Variants in ROBO1 observed in about 807,000 individuals in gnomAD.
The protein encoded by ROBO1 is roundabout guidance receptor 1, also known as roundabout homolog 1.
ROBO1 carries 149 observed loss-of-function variants against 195.9 expected under a neutral mutation model. The ratio of observed to expected loss-of-function variants is 0.76; its 90% CI spans 0.67 to 0.87. ROBO1 has a LOEUF of 0.87. Ranked by LOEUF, ROBO1 falls within the 40% of genes least tolerant of loss-of-function variation. ROBO1 has a pLI of 0.00. For missense variants in ROBO1, 1,933 were observed against 2,068.3 expected (o/e 0.93, Z 1.27); for synonymous variants, 816 against 733.2 (o/e 1.11, Z -1.82).
chr3:79,366,081 C>T (rs149438449), intron 2 of ROBO1, among the ~76,000 whole-genome samples: 1 of 151,952 alleles, frequency 6.6e-6, no homozygotes, highest in Admixed American at 6.6e-5. Context: ...TCAGGCAGAC[C>T]TGGAGTTCTT....
At chr3:78,821,413 C>T (rs2030926998) in intron 4 of ROBO1, among the ~76,000 whole-genome samples, 1 of 152,016 alleles carries the variant, frequency 6.6e-6, no homozygotes, top group Admixed American at 6.6e-5. Context: ...ATCCGCCTGC[C>T]TCAGCCTCCC....
At chr3:78,666,407 T>A (rs1707739220) in intron 14 of ROBO1, among the ~76,000 whole-genome samples, 1 of 152,214 alleles carries the variant, frequency 6.6e-6, no homozygotes, top group Non-Finnish European at 1.5e-5. Context: ...TATTCCAGAA[T>A]CATGCATGTG....
intron 8 of ROBO1, among the ~76,000 whole-genome samples, chr3:78,698,076 G>A (rs1408690919): frequency 6.6e-6 from 1 of 151,970 alleles, no homozygotes; most frequent in Non-Finnish European, 1.5e-5. Flanking sequence ...ACTTTTGAAC[G>A]CAGAGCTCAG....
intron 1 of ROBO1, among the ~76,000 whole-genome samples, chr3:79,672,059 CT>C (rs1352637360): frequency 1.3e-5 from 2 of 151,946 alleles, no homozygotes; most frequent in Non-Finnish European, 2.9e-5. Context: ...ATTTGGGTTA[CT>C]TCAAGAATTA....
chr3:78,715,634 C>T (rs2081883787), intron 7 of ROBO1, among the ~76,000 whole-genome samples: 1 of 152,180 alleles, frequency 6.6e-6, no homozygotes, highest in African/African-American at 2.4e-5. Flanking sequence ...AGGGCTCAAG[C>T]AATTCTCCTG....
chr3:79,733,468 C>G (rs1703242057), intron 1 of ROBO1, among the ~76,000 whole-genome samples: 1 of 152,162 alleles, frequency 6.6e-6, no homozygotes, highest in African/African-American at 2.4e-5. Flanking sequence ...TCAGTCGAAT[C>G]TTTCACTATA....
intron 2 of ROBO1, among the ~76,000 whole-genome samples, chr3:79,555,716 A>G (rs9845853): frequency 0.24 from 36,903 of 151,968 alleles, 5,129 homozygotes; most frequent in African/African-American, 0.37. Context: ...GCCTATTGCC[A>G]TGGGTTTCTT....
intron 2 of ROBO1, among the ~76,000 whole-genome samples, chr3:79,465,216 G>T (rs557781910): frequency 2.6e-5 from 4 of 152,068 alleles, no homozygotes; most frequent in African/African-American, 9.7e-5. Flanking sequence ...TGTAACAGGG[G>T]TGCTTATTAG....
intron 2 of ROBO1, among the ~76,000 whole-genome samples, chr3:79,297,528 C>CA (rs2032659754): frequency 6.6e-6 from 1 of 152,094 alleles, no homozygotes; most frequent in Non-Finnish European, 1.5e-5. Flanking sequence ...GTGACTCACA[C>CA]AAAAACTCCC....
chr3:79,689,426 T>G (rs577124656), intron 1 of ROBO1, among the ~76,000 whole-genome samples: 1 of 152,106 alleles, frequency 6.6e-6, no homozygotes, highest in South Asian at 2.1e-4. Flanking sequence ...TCCTGATTGT[T>G]TCTTCATCAT....
In ROBO1 at chr3:79,189,032, T is replaced by C. The variant is rs148523990; in HGVS notation, c.89-63493A>G. On this transcript the variant is annotated intron_variant, in intron 2 of 30. Coordinates refer to ENST00000464233, the MANE Select transcript of ROBO1 (RefSeq NM_002941.4). ...GTGCAACACCGTATATCTAGTGGCA[T>C]TGTGATCTTGAATTTCCCAGCCTCA... 4.6e-3 allele frequency among the ~76,000 whole-genome samples: 705 copies of C among 151,892 alleles called. 2 individuals carry two copies. Among genetic ancestry groups the C allele is most frequent in the Non-Finnish European group, 8.8e-3 (599 of 67,810 alleles).
intron 14 of ROBO1, among the ~76,000 whole-genome samples, chr3:78,667,599 C>T (rs893025689): frequency 4.6e-5 from 7 of 152,150 alleles, no homozygotes; most frequent in African/African-American, 1.4e-4. Flanking sequence ...AACCATCATT[C>T]TACTTTCCAT....
In ROBO1 at chr3:78,597,581, T is replaced by G. The variant is rs893333937; in HGVS notation, c.*1332A>C. On this transcript the variant is annotated 3_prime_UTR_variant, in exon 31 of 31. Coordinates refer to ENST00000464233, the MANE Select transcript of ROBO1 (RefSeq NM_002941.4). ...AGCACCAATTATAAAATCAATGATA[T>G]TCATAAAATGACAAAAAAGGATCAT... 12 of 152,154 alleles carry G rather than the reference T, an allele frequency of 7.9e-5. No homozygotes were observed. The highest frequency in any genetic ancestry group is 1.5e-5 in the Non-Finnish European group (1 of 67,872). 9.4% of individuals were successfully genotyped at this position (152,154 alleles called of 1,614,324 possible). A position where few individuals can be genotyped will look rare whatever the true frequency, so the allele number is the denominator to read the frequency against.
intron 2 of ROBO1, among the ~76,000 whole-genome samples, chr3:79,450,289 C>T (rs1021280806): frequency 3.3e-5 from 5 of 150,682 alleles, no homozygotes; most frequent in African/African-American, 9.8e-5. Flanking sequence ...GGAGAATGTG[C>T]CTGAGAAGAG....
At chr3:78,946,755 A>G (rs1282541347) in intron 3 of ROBO1, among the ~76,000 whole-genome samples, 1 of 152,188 alleles carries the variant, frequency 6.6e-6, no homozygotes, top group Non-Finnish European at 1.5e-5. Flanking sequence ...AAGACCCATC[A>G]GTGTGCTGTA....
intron 5 of ROBO1, among the ~76,000 whole-genome samples, chr3:78,720,074 T>A (rs2082005088): frequency 6.6e-6 from 1 of 152,284 alleles, no homozygotes. Flanking sequence ...AAGTATAACC[T>A]CTTCTCCCAC....
At chr3:79,413,749 A>C (rs978044444) in intron 2 of ROBO1, among the ~76,000 whole-genome samples, 4 of 152,092 alleles carry the variant, frequency 2.6e-5, no homozygotes, top group Non-Finnish European at 5.9e-5. Flanking sequence ...TTATATCTGA[A>C]ATTTTATTAA....
chr3:79,314,498 T>C (rs1399502295), intron 2 of ROBO1, among the ~76,000 whole-genome samples: 1 of 152,192 alleles, frequency 6.6e-6, no homozygotes, highest in Non-Finnish European at 1.5e-5. Context: ...TGTTTGCTTC[T>C]CCTTCTGCCA....
chr3:78,875,341 T>C (rs1259150426), intron 4 of ROBO1, among the ~76,000 whole-genome samples: 2 of 151,776 alleles, frequency 1.3e-5, no homozygotes, highest in East Asian at 3.9e-4. Context: ...TCAAATGACA[T>C]GGAGAAAGAC....
Sources: allele counts gnomAD v4.1 joint callset (sites outside exome capture counted in the v4.1 genomes callset), GRCh38; gene constraint gnomAD v4.1.1; transcripts MANE v1.5; gene names NCBI Gene and HGNC (gene_info 2026-07-23, HGNC 2026-07-21).